The following KCNMA1 variants were observed in gnomAD, a reference collection of about 807,000 sequenced individuals.
KCNMA1 encodes the protein Calcium-activated potassium channel subunit alpha-1.
Under a neutral mutation model 140.0 loss-of-function variants are expected in KCNMA1, and 29 were observed. That is an observed-to-expected ratio of 0.21 (90% confidence interval 0.15 to 0.28). The LOEUF is 0.28. KCNMA1 is among the 10% of genes least tolerant of loss of function. The pLI is 1.00. For missense variants in KCNMA1, 880 were observed against 1,602.2 expected (o/e 0.55, Z 7.70); for synonymous variants, 612 against 611.9 (o/e 1.00, Z 0.00).
intron 15 of KCNMA1, among the ~76,000 whole-genome samples, chr10:77,031,962 G>T (rs936854998): frequency 6.6e-6 from 1 of 152,212 alleles, no homozygotes; most frequent in Admixed American, 6.5e-5. Flanking sequence ...TCTATGCAGA[G>T]AAAGCTTGGA....
chr10:77,535,643 G>A (rs956169464), intron 1 of KCNMA1, among the ~76,000 whole-genome samples: 1 of 152,188 alleles, frequency 6.6e-6, no homozygotes, highest in South Asian at 2.1e-4. Context: ...ATCAACCTGA[G>A]TGTCCATCAA....
chr10:77,452,561 T>C (rs1401812550), intron 1 of KCNMA1, among the ~76,000 whole-genome samples: 2 of 152,186 alleles, frequency 1.3e-5, no homozygotes, highest in Non-Finnish European at 2.9e-5. Context: ...AAAAGTCCTT[T>C]CATGCGATGG....
chr10:77,065,555 T>C (rs773471852), intron 14 of KCNMA1, among the ~76,000 whole-genome samples: 1 of 152,156 alleles, frequency 6.6e-6, no homozygotes, highest in Non-Finnish European at 1.5e-5. Context: ...AAATATACCA[T>C]ATTCATAGAT....
At chr10:76,916,317 C>A (rs181020573) in intron 23 of KCNMA1, among the ~76,000 whole-genome samples, 1 of 152,244 alleles carries the variant, frequency 6.6e-6, no homozygotes, top group African/African-American at 2.4e-5. Context: ...CAGGTCCAAG[C>A]CAAGTACATA....
intron 14 of KCNMA1, among the ~76,000 whole-genome samples, chr10:77,051,412 G>C (rs1380451727): frequency 6.6e-6 from 1 of 152,184 alleles, no homozygotes; most frequent in African/African-American, 2.4e-5. Context: ...TTATTTGTGA[G>C]CCTGGTAGCA....
intron 10 of KCNMA1, among the ~76,000 whole-genome samples, chr10:77,087,202 T>G (rs1208838029): frequency 6.6e-6 from 1 of 152,168 alleles, no homozygotes; most frequent in East Asian, 1.9e-4. Flanking sequence ...TCTATGACTC[T>G]CTGGCCCTCA....
At chr10:77,311,503 G>C (rs767782513) in intron 2 of KCNMA1, among the ~76,000 whole-genome samples, 24 of 152,286 alleles carry the variant, frequency 1.6e-4, no homozygotes, top group Middle Eastern at 3.4e-3. Flanking sequence ...AACCCAGGCA[G>C]CTGCTGCCCC....
At chr10:77,067,473 A>ATCTC (rs78621121) in intron 14 of KCNMA1, among the ~76,000 whole-genome samples, 3 of 151,052 alleles carry the variant, frequency 2.0e-5, no homozygotes, top group South Asian at 2.1e-4. Context: ...TATAATCAAC[A>ATCTC]TCTCTCTCTC....
chr10:76,995,489 T>C (rs1408767049), intron 19 of KCNMA1: 3 of 463,220 alleles, frequency 6.5e-6, no homozygotes, highest in Non-Finnish European at 1.3e-5. Flanking sequence ...AGTACTTTAT[T>C]TCATACAGTA....
At chr10:77,406,251 A>G (rs1403595936) in intron 1 of KCNMA1, among the ~76,000 whole-genome samples, 1 of 152,062 alleles carries the variant, frequency 6.6e-6, no homozygotes, top group African/African-American at 2.4e-5. Flanking sequence ...GCCCTGATAC[A>G]GGGTCAACCA....
At position 77,127,663 on chromosome 10, in the gene KCNMA1, G is replaced by A. The variant is rs1455201693; in HGVS notation, c.809-6615C>T. On this transcript the variant is annotated intron_variant, in intron 5 of 27. Transcript: ENST00000286628. ...GCAGGAAGGCAGGAGGGGAAAGGGAGAGAACGAGGGTAAGAATCCCAATTT... is the reference window on the plus strand; with the variant it reads ...GCAGGAAGGCAGGAGGGGAAAGGGAAAGAACGAGGGTAAGAATCCCAATTT... Among the ~76,000 whole-genome samples the A allele has an allele frequency of 9.2e-5, 14 of 152,216 alleles. 1 individual carries two copies. The East Asian group carries it at 2.5e-3, about 27-fold the overall frequency.
At chr10:77,526,961 T>C (rs557384419) in intron 1 of KCNMA1, among the ~76,000 whole-genome samples, 4 of 152,322 alleles carry the variant, frequency 2.6e-5, no homozygotes, top group African/African-American at 7.2e-5. Flanking sequence ...AAAATACCTC[T>C]CTTATTACAT....
At chr10:77,578,462 G>A (rs1209124124) in intron 1 of KCNMA1, among the ~76,000 whole-genome samples, 1 of 152,178 alleles carries the variant, frequency 6.6e-6, no homozygotes, top group Non-Finnish European at 1.5e-5. Context: ...AAGTCCTGTG[G>A]TAGGGATCAA....
At chr10:77,519,829 C>T (rs1321102975) in intron 1 of KCNMA1, among the ~76,000 whole-genome samples, 1 of 152,140 alleles carries the variant, frequency 6.6e-6, no homozygotes, top group Non-Finnish European at 1.5e-5. Flanking sequence ...AGAAAAGGGC[C>T]TTGTTTGAGG....
chr10:77,564,505 C>G (rs973620569), intron 1 of KCNMA1, among the ~76,000 whole-genome samples: 2 of 152,134 alleles, frequency 1.3e-5, no homozygotes, highest in Non-Finnish European at 2.9e-5. Context: ...ATCACTTGAA[C>G]CTGGGAGGCA....
intron 2 of KCNMA1, among the ~76,000 whole-genome samples, chr10:77,379,572 G>C (rs1306223855): frequency 6.6e-6 from 1 of 151,110 alleles, no homozygotes; most frequent in East Asian, 1.9e-4. Flanking sequence ...ACATATGTAG[G>C]CAGAAAAGAA....
chr10:77,179,269 G>T (rs140976127), intron 5 of KCNMA1, among the ~76,000 whole-genome samples: 8 of 152,272 alleles, frequency 5.3e-5, no homozygotes, highest in African/African-American at 1.9e-4. Context: ...GGACTGAGTT[G>T]GTGGAGCTCA....
chr10:76,889,311 C>T, intron 27 of KCNMA1, 140 bp downstream of exon 27: 1 of 677,856 alleles, frequency 1.5e-6, no homozygotes, highest in Non-Finnish European at 2.6e-6. Flanking sequence ...CCTCCAAACT[C>T]AGTGTTGGAT....
At chr10:77,207,222 C>T (rs1057025072) in intron 3 of KCNMA1, among the ~76,000 whole-genome samples, 1 of 152,070 alleles carries the variant, frequency 6.6e-6, no homozygotes, top group African/African-American at 2.4e-5. Flanking sequence ...TAATAGAGGA[C>T]TCTCCCTAAA....
Sources: allele counts gnomAD v4.1 joint callset (sites outside exome capture counted in the v4.1 genomes callset), GRCh38; gene constraint gnomAD v4.1.1; transcripts MANE v1.5; gene names NCBI Gene and HGNC (gene_info 2026-07-23, HGNC 2026-07-21).